FER1L6: variants seen among roughly 807,000 people sequenced by gnomAD.
FER1L6 encodes fer-1-like protein 6.
FER1L6 carries 177 observed loss-of-function variants against 219.2 expected under a neutral mutation model. That is an observed-to-expected ratio of 0.81 (90% CI 0.71 to 0.91). FER1L6 has a LOEUF of 0.91. Ranked by LOEUF, FER1L6 falls within the 40% of genes least tolerant of loss-of-function variation. FER1L6 has a pLI of 0.00. For missense variants in FER1L6, 2,153 were observed against 2,259.9 expected, an observed-to-expected ratio of 0.95 and a Z score of 0.96; for synonymous variants, 768 against 824.3, an observed-to-expected ratio of 0.93 and a Z score of 1.17.
At chr8:124,038,489 G>A (rs1161396442) in intron 19 of FER1L6, among the ~76,000 whole-genome samples, 1 of 152,128 alleles carries the variant, frequency 6.6e-6, no homozygotes, top group Non-Finnish European at 1.5e-5. Flanking sequence ...CTACCCCAGT[G>A]ATGGACATGC....
intron 1 of FER1L6, among the ~76,000 whole-genome samples, chr8:123,922,972 GC>G (rs5894679): frequency 0.4 from 60,078 of 150,986 alleles, 12,155 homozygotes; most frequent in South Asian, 0.46. Context: ...GATTTATACA[GC>G]CCCCCCCCAG....
At chr8:123,857,492 A>AG (rs1219247684) in intron 1 of FER1L6, among the ~76,000 whole-genome samples, 4 of 152,236 alleles carry the variant, frequency 2.6e-5, no homozygotes, top group African/African-American at 9.6e-5. Flanking sequence ...CCTGGGCAAC[A>AG]GGGTGAGACA....
At chr8:123,944,273 A>G (rs1814385167) in intron 1 of FER1L6, among the ~76,000 whole-genome samples, 1 of 149,048 alleles carries the variant, frequency 6.7e-6, no homozygotes, top group African/African-American at 2.4e-5. Context: ...TTTAACAAAT[A>G]TATTCATCTT....
intron 32 of FER1L6, among the ~76,000 whole-genome samples, chr8:124,079,480 G>A (rs1821440432): frequency 6.6e-6 from 1 of 152,110 alleles, no homozygotes. Flanking sequence ...TGCCACCATA[G>A]CAACACCTGG....
chr8:123,989,158 C>G (rs751168112), intron 12 of FER1L6, among the ~76,000 whole-genome samples: 11 of 152,072 alleles, frequency 7.2e-5, no homozygotes, highest in Non-Finnish European at 1.5e-4. Flanking sequence ...ATCTTTGCAT[C>G]CTTGGTACAA....
At chr8:123,956,499 CACA>C (rs1439488782) in intron 2 of FER1L6, among the ~76,000 whole-genome samples, 3 of 152,232 alleles carry the variant, frequency 2.0e-5, no homozygotes, top group African/African-American at 4.8e-5. Context: ...AGGCTTCACA[CACA>C]ACATCTCATT....
At chr8:124,020,789 T>C (rs1479789625) in intron 16 of FER1L6, among the ~76,000 whole-genome samples, 1 of 152,096 alleles carries the variant, frequency 6.6e-6, no homozygotes, top group Non-Finnish European at 1.5e-5. Context: ...TAACAAAGGA[T>C]TAATACAGTG....
intron 21 of FER1L6, among the ~76,000 whole-genome samples, chr8:124,049,286 T>A (rs1819886216): frequency 6.6e-6 from 1 of 152,128 alleles, no homozygotes. Flanking sequence ...GACCTCATGA[T>A]ACACCTGCCA....
chr8:123,908,041 C>T (rs988403260), intron 1 of FER1L6, among the ~76,000 whole-genome samples: 1 of 151,800 alleles, frequency 6.6e-6, no homozygotes, highest in East Asian at 1.9e-4. Context: ...TTCTTTTTGC[C>T]GTCCCAGAAC....
chr8:123,894,889 A>G (rs761297604), intron 1 of FER1L6, among the ~76,000 whole-genome samples: 8 of 152,340 alleles, frequency 5.3e-5, no homozygotes, highest in Non-Finnish European at 1.2e-4. Flanking sequence ...TCCACTGAAT[A>G]AAATAGAAAA....
At position 124,082,450 on chromosome 8, in the gene FER1L6, G is replaced by C. The variant is rs779774462; in HGVS notation, c.4383G>C (p.Gln1461His). The change falls in exon 33 of 41, where the codon CAG becomes CAC. Residue 1461 changes from glutamine to histidine, a missense_variant. By Grantham distance (24) the Gln-to-His change is conservative. Coordinates refer to ENST00000522917, the MANE Select transcript of FER1L6 (RefSeq NM_001039112.2). ...GAGCCATCTGTGGCTTGCAGAGCCA[G>C]TATGAGATGTAAGTTCTTTCTCCCC... ...KHRAICGLQS[Q>H]YEIEGYNAWR... The C allele has an allele frequency of 6.2e-7, 1 of 1,613,570 alleles. No homozygotes were observed. The highest frequency in any genetic ancestry group is 1.3e-5 in the African/African-American group (1 of 75,010).
chr8:124,043,318 G>A (rs1819587690), intron 20 of FER1L6, among the ~76,000 whole-genome samples: 1 of 152,146 alleles, frequency 6.6e-6, no homozygotes, highest in Non-Finnish European at 1.5e-5. Context: ...ACGTGCCCAA[G>A]TCCAACATCA....
chr8:124,076,712 A>G (rs1821310076), intron 32 of FER1L6, among the ~76,000 whole-genome samples: 1 of 152,170 alleles, frequency 6.6e-6, no homozygotes. Flanking sequence ...TGAACAGAGC[A>G]GAGATTTCCT....
intron 15 of FER1L6, chr8:124,014,535 G>A (rs1170208046): frequency 1.3e-5 from 2 of 152,526 alleles, no homozygotes; most frequent in African/African-American, 4.8e-5. Context: ...AGTCTCTCTT[G>A]GTGCTTTGGA....
At position 124,069,398 on chromosome 8, in the gene FER1L6, G is replaced by A. The variant is rs748319342; in HGVS notation, c.3757G>A (p.Gly1253Arg). The change falls in exon 29 of 41, where the codon GGG (glycine) becomes AGG (arginine). Residue 1253 changes from glycine to arginine, a missense_variant. By Grantham distance (125) the Gly-to-Arg change is moderately radical. Transcript: ENST00000522917. ...PDEVVVDIED[G>R]PKKKKDKMLK... ...TGAGGTAGTGGTAGATATAGAAGAT[G>A]GGCCAAAGAAGAAGAAAGACAAAAT... is the stretch of plus-strand genomic sequence containing the variant. 6 of 1,612,386 alleles carry A rather than the reference G, an allele frequency of 3.7e-6. No homozygotes were observed. The African/African-American group carries it at 6.7e-5, about 18-fold the overall frequency.
intron 12 of FER1L6, among the ~76,000 whole-genome samples, chr8:123,993,756 G>A (rs1586564977): frequency 1.3e-5 from 2 of 152,172 alleles, no homozygotes; most frequent in South Asian, 4.1e-4. Flanking sequence ...ACCCAGAGGG[G>A]CTGCCACAAT....
intron 14 of FER1L6, 151 bp downstream of exon 14, chr8:124,010,865 G>A: frequency 9.0e-7 from 1 of 1,112,022 alleles, no homozygotes; most frequent in Non-Finnish European, 1.3e-6. Flanking sequence ...ATCCTACTAT[G>A]CAAATCTAGG....
chr8:124,115,917 C>CATGCT (rs1440371120), intron 39 of FER1L6, among the ~76,000 whole-genome samples: 4 of 152,024 alleles, frequency 2.6e-5, no homozygotes, highest in Non-Finnish European at 5.9e-5. Flanking sequence ...TATGCCATGC[C>CATGCT]ATGCTATGCT....
chr8:123,890,625 ATTTTT>A (rs59914385), intron 1 of FER1L6, among the ~76,000 whole-genome samples: 18 of 91,434 alleles, frequency 2.0e-4, no homozygotes, highest in Middle Eastern at 0.011. Flanking sequence ...TAAAAATTTG[ATTTTT>A]TTTTTTTTTT....
Sources: allele counts gnomAD v4.1 joint callset (sites outside exome capture counted in the v4.1 genomes callset), GRCh38; gene constraint gnomAD v4.1.1; transcripts MANE v1.5; gene names NCBI Gene and HGNC (gene_info 2026-07-23, HGNC 2026-07-21).